The following ZHX3 variants were observed in gnomAD, a reference collection of about 807,000 sequenced individuals.
ZHX3 encodes the protein zinc fingers and homeoboxes 3, also known as zinc fingers and homeoboxes protein 3.
ZHX3 carries 20 observed loss-of-function variants against 64.5 expected under a neutral mutation model. The ratio of observed to expected loss-of-function variants is 0.31; its 90% confidence interval spans 0.22 to 0.45. The LOEUF (loss-of-function observed/expected upper bound fraction) is 0.45, where lower values mean the gene tolerates loss of function less well. Ranked by LOEUF, ZHX3 falls within the 20% of genes least tolerant of loss-of-function variation. The pLI is 1.00. For synonymous variants in ZHX3, 423 were observed against 461.6 expected, an observed-to-expected ratio of 0.92 and a Z score of 1.07; for missense variants, 1,041 against 1,195.8, an observed-to-expected ratio of 0.87 and a Z score of 1.91.
At position 41,226,241 on chromosome 20, in the gene ZHX3, C is replaced by T. The variant is rs765994680; in HGVS notation, c.-150-21175G>A. ...TGAAACCCCATCTCTACTAAAAATA[C>T]AAAAAATTAGCCGGGCGTGCTGGCG... is the stretch of plus-strand genomic sequence containing the variant. On this transcript the variant is annotated intron_variant, in intron 2 of 3. Transcript: ENST00000683867. This position sits in a 1 kb window ranked among gnomAD's most constrained non-coding sequence, Gnocchi z 4.4. Among the ~76,000 whole-genome samples, 8 of 151,986 alleles carry T rather than the reference C, an allele frequency of 5.3e-5. No homozygotes were observed. Among genetic ancestry groups the T allele is most frequent in the South Asian group, 2.1e-4 (1 of 4,820 alleles).
At chr20:41,197,723 T>C (rs2037860101) in intron 3 of ZHX3, among the ~76,000 whole-genome samples, 1 of 152,196 alleles carries the variant, frequency 6.6e-6, no homozygotes, top group Middle Eastern at 3.4e-3. Context: ...ATATGTCTTA[T>C]ATGTTTTTGA....
chr20:41,301,431 C>A (rs886893189), intron 1 of ZHX3, among the ~76,000 whole-genome samples: 3 of 152,160 alleles, frequency 2.0e-5, no homozygotes, highest in African/African-American at 7.2e-5. Flanking sequence ...TGATATGGGA[C>A]CTGCTTTGCG....
intron 1 of ZHX3, among the ~76,000 whole-genome samples, chr20:41,278,527 T>C (rs1301133116): frequency 7.1e-6 from 1 of 141,118 alleles, no homozygotes; most frequent in African/African-American, 2.7e-5. Context: ...TCTCTCATGT[T>C]ATTGAGCATT....
intron 1 of ZHX3, among the ~76,000 whole-genome samples, chr20:41,275,166 A>G (rs964843673): frequency 2.6e-5 from 4 of 152,326 alleles, no homozygotes; most frequent in African/African-American, 9.6e-5. Flanking sequence ...CTCAAAAAAA[A>G]AGAAAAGAAA....
chr20:41,303,929 C>A (rs755750372), intron 1 of ZHX3, among the ~76,000 whole-genome samples: 3 of 152,190 alleles, frequency 2.0e-5, no homozygotes, highest in Non-Finnish European at 4.4e-5. Flanking sequence ...CTCTACTCCA[C>A]CCCCACCCAA....
intron 3 of ZHX3, chr20:41,197,210 C>T (rs1457752597): frequency 6.8e-6 from 1 of 146,302 alleles, no homozygotes; most frequent in Non-Finnish European, 1.5e-5. Flanking sequence ...ACATGTTATA[C>T]ATATATTTTA....
chr20:41,206,290 A>C (rs568588446), intron 2 of ZHX3, among the ~76,000 whole-genome samples: 8 of 152,304 alleles, frequency 5.3e-5, no homozygotes, highest in African/African-American at 1.9e-4. Flanking sequence ...ATAAAGCTGG[A>C]TGGAGAATGG....
chr20:41,305,715 C>T (rs796356315), intron 1 of ZHX3, among the ~76,000 whole-genome samples: 11 of 150,850 alleles, frequency 7.3e-5, no homozygotes, highest in East Asian at 3.9e-4. Flanking sequence ...ACCCGGGAGG[C>T]GGAGCTTGCA....
chr20:41,274,788 G>A (rs1477230214), intron 1 of ZHX3, among the ~76,000 whole-genome samples: 1 of 152,180 alleles, frequency 6.6e-6, no homozygotes, highest in African/African-American at 2.4e-5. Context: ...GTTTCAGTTT[G>A]CACCTCCTGT....
intron 1 of ZHX3, among the ~76,000 whole-genome samples, chr20:41,315,445 G>A (rs1336602249): frequency 2.1e-5 from 3 of 145,812 alleles, no homozygotes; most frequent in East Asian, 2.1e-4. Context: ...CGCCCGCCTC[G>A]GCCTCCCAAA....
intron 2 of ZHX3, among the ~76,000 whole-genome samples, chr20:41,234,425 T>A (rs961999048): frequency 6.6e-6 from 1 of 152,216 alleles, no homozygotes; most frequent in South Asian, 2.1e-4. Context: ...TCAGAAGCCA[T>A]CTATCCTCCT....
intron 1 of ZHX3, chr20:41,317,004 T>C (rs771046357): frequency 6.6e-6 from 1 of 152,556 alleles, no homozygotes; most frequent in Non-Finnish European, 1.5e-5. Flanking sequence ...GAGCTGACGC[T>C]CTTTACACCG....
At chr20:41,210,363 T>C (rs982133623) in intron 2 of ZHX3, among the ~76,000 whole-genome samples, 4 of 152,166 alleles carry the variant, frequency 2.6e-5, no homozygotes, top group Admixed American at 1.3e-4. Context: ...ACCCAAAGGA[T>C]TATAAATCAT....
chr20:41,284,462 C>T (rs2043838672), intron 1 of ZHX3, among the ~76,000 whole-genome samples: 1 of 152,132 alleles, frequency 6.6e-6, no homozygotes, highest in Non-Finnish European at 1.5e-5. Context: ...AGGCCTGACC[C>T]ACTCCCTATG....
chr20:41,272,529 C>G (rs1026338374), intron 1 of ZHX3, among the ~76,000 whole-genome samples: 1 of 151,172 alleles, frequency 6.6e-6, no homozygotes, highest in Non-Finnish European at 1.5e-5. Context: ...ACTTCTATTC[C>G]TCCTCCTCCT....
chr20:41,270,901 C>T (rs1455613576), intron 1 of ZHX3, among the ~76,000 whole-genome samples: 1 of 152,112 alleles, frequency 6.6e-6, no homozygotes, highest in Non-Finnish European at 1.5e-5. Context: ...CTACCTTAAA[C>T]CTCATCTTTG....
At position 41,180,353 on chromosome 20, in the gene ZHX3, G is replaced by C. The variant is rs937647192; in HGVS notation, c.*4838C>G. On this transcript the variant is annotated 3_prime_UTR_variant, in exon 4 of 4. Coordinates refer to ENST00000683867, the MANE Select transcript of ZHX3 (RefSeq NM_001384317.1). ...GAACTTTCAGAAATTGAGGAAGGGG[G>C]TGCTTTCCCCTGTCCTTGTCCATAT... 6.6e-6 allele frequency: 1 copy of C among 152,486 alleles called. No homozygotes were observed. Among genetic ancestry groups the C allele is most frequent in the African/African-American group, 2.4e-5 (1 of 41,444 alleles). The allele number at this position is 152,486 out of a possible 1,614,324, so 9.4% of individuals were successfully genotyped here.
At chr20:41,293,472 A>G (rs1180766763) in intron 1 of ZHX3, among the ~76,000 whole-genome samples, 2 of 152,220 alleles carry the variant, frequency 1.3e-5, no homozygotes, top group Non-Finnish European at 2.9e-5. Context: ...GAAGGAAACA[A>G]TTGCAAAAGC....
At chr20:41,253,921 T>C (rs1050672534) in intron 2 of ZHX3, among the ~76,000 whole-genome samples, 3 of 151,630 alleles carry the variant, frequency 2.0e-5, no homozygotes, top group Non-Finnish European at 4.4e-5. Context: ...TTTTGCAGTA[T>C]GTTTGAAATT....
Sources: allele counts gnomAD v4.1 joint callset (sites outside exome capture counted in the v4.1 genomes callset), GRCh38; gene constraint gnomAD v4.1.1; non-coding constraint Gnocchi (gnomAD v3.1); transcripts MANE v1.5; gene names NCBI Gene and HGNC (gene_info 2026-07-23, HGNC 2026-07-21).